Variants in ST8SIA3 observed in about 807,000 individuals in gnomAD.
ST8SIA3 encodes the protein alpha-N-acetylneuraminate alpha-2,8-sialyltransferase ST8SIA3.
Under a neutral mutation model 34.5 loss-of-function variants are expected in ST8SIA3, and 17 were observed. The ratio of observed to expected loss-of-function variants is 0.49; its 90% CI spans 0.34 to 0.74. ST8SIA3 has a LOEUF of 0.74. ST8SIA3 is among the 30% of genes least tolerant of loss of function. The probability of loss-of-function intolerance (pLI) is 0.01; values close to 1 mark genes in which losing one functional copy is unlikely to be tolerated. For missense variants in ST8SIA3, 354 were observed against 467.8 expected (o/e 0.76, Z 2.24); for synonymous variants, 172 against 176.1 (o/e 0.98, Z 0.19).
chr18:57,358,123 C>T (rs948015201), intron 3 of ST8SIA3, among the ~76,000 whole-genome samples: 2 of 152,204 alleles, frequency 1.3e-5, no homozygotes, highest in African/African-American at 2.4e-5. Context: ...ATTGTCTAGG[C>T]TCTGCCTCAA....
At chr18:57,354,565 T>C (rs761183995) in intron 2 of ST8SIA3, 41 bp downstream of exon 2, 2 of 1,609,290 alleles carry the variant, frequency 1.2e-6, no homozygotes, top group Non-Finnish European at 1.7e-6. Context: ...CTTTTAAGAA[T>C]TCAAGAGCTC....
At chr18:57,353,983 T>G (rs1436686641) in intron 1 of ST8SIA3, among the ~76,000 whole-genome samples, 2 of 152,212 alleles carry the variant, frequency 1.3e-5, no homozygotes, top group Non-Finnish European at 2.9e-5. Context: ...ACCCCCAGAC[T>G]TTCCCTGGGT....
rs1203615042 is a variant in ST8SIA3 at position 57,363,531 on chromosome 18, T to TTGCTGGCCATGC, written c.*3254_*3255insTGCTGGCCATGC. 4.6e-5 allele frequency: 7 copies of TTGCTGGCCATGC among 152,354 alleles called. No individual in the cohort carries two copies. Among genetic ancestry groups the TTGCTGGCCATGC allele is most frequent in the Non-Finnish European group, 1.0e-4 (7 of 68,136 alleles). The allele number at this position is 152,354 out of a possible 1,614,324, so 9.4% of individuals were successfully genotyped here. ...GATGTCAGGTACCTGGCCATGGGGC[T>TTGCTGGCCATGC]ACCAGCAAGGATGTGCAAAGGAAGA... On this transcript the variant is annotated 3_prime_UTR_variant, in exon 4 of 4. Transcript: ENST00000324000.
Position 57,361,991 on chromosome 18 carries a change from T to C in ST8SIA3, c.*1714T>C, listed in dbSNP as rs1268521706. The stretch of plus-strand genomic sequence containing the variant: ...GTTATGCTCACGTTCTGCCTGGTCC[T>C]AAACCTGCCTTATTATTATTTTCAG... On this transcript the variant is annotated 3_prime_UTR_variant, in exon 4 of 4. Coordinates refer to ENST00000324000, the MANE Select transcript of ST8SIA3 (RefSeq NM_015879.3). 6.6e-6 allele frequency: 1 copy of C among 152,226 alleles called. No homozygotes were observed. The highest frequency in any genetic ancestry group is 2.4e-5 in the African/African-American group (1 of 41,446). 9.4% of individuals were successfully genotyped at this position (152,226 alleles called of 1,614,324 possible).
intron 3 of ST8SIA3, among the ~76,000 whole-genome samples, chr18:57,357,905 T>C (rs1179122761): frequency 6.6e-6 from 1 of 152,248 alleles, no homozygotes; most frequent in Non-Finnish European, 1.5e-5. Context: ...ATGTCCAAGG[T>C]TAGCAAAACA....
rs147448926 is a variant in ST8SIA3, at chr18:57,365,218, C to T, written c.*4941C>T. The T allele has an allele frequency of 6.2e-4, 95 of 152,322 alleles. No individual in the cohort carries two copies. The highest frequency in any genetic ancestry group is 3.3e-3 in the East Asian group (17 of 5,180). The allele number at this position is 152,322 out of a possible 1,614,324, so 9.4% of individuals were successfully genotyped here. ...TTTGGAAACCAGTAATATATACATC[C>T]GGAGTCATATATACCATTTTGAACA... On this transcript the variant is annotated 3_prime_UTR_variant, in exon 4 of 4. Transcript: ENST00000324000.
At chr18:57,359,239 C>T (rs563239137) in intron 3 of ST8SIA3, among the ~76,000 whole-genome samples, 1 of 152,244 alleles carries the variant, frequency 6.6e-6, no homozygotes, top group East Asian at 1.9e-4. Context: ...GCGGTGTCAG[C>T]AGGAAGGCTT....
Position 57,368,885 on chromosome 18 carries a change from C to T in ST8SIA3, c.*8608C>T, listed in dbSNP as rs192409314. On this transcript the variant is annotated 3_prime_UTR_variant, in exon 4 of 4. Coordinates refer to ENST00000324000, the MANE Select transcript of ST8SIA3 (RefSeq NM_015879.3). ...ATTGCCTTGTGTTCCAAACACAGTA[C>T]TGAATGCGTTGTTTTTAAATAAACC... 2 of 152,378 alleles carry T rather than the reference C, an allele frequency of 1.3e-5. No homozygotes were observed. The highest frequency in any genetic ancestry group is 6.5e-5 in the Admixed American group (1 of 15,304). 9.4% of individuals were successfully genotyped at this position (152,378 alleles called of 1,614,324 possible).
rs1428685261 is a variant in ST8SIA3 at position 57,356,992 on chromosome 18, C to T, written c.382C>T (p.His128Tyr). ...KNSVRIGQLM[H>Y]YDYSSHKYVF... is the part of the protein sequence containing the mutation. The stretch of plus-strand genomic sequence containing the variant: ...TAGTGTTCGGATTGGACAACTGATG[C>T]ACTATGATTATTCCAGCCATAAATA... Residue 128 changes from histidine to tyrosine, a missense_variant, in exon 3 of 4, where the codon CAC (histidine) becomes TAC (tyrosine). Physicochemically the swap from His to Tyr is moderately conservative, Grantham distance 83 (BLOSUM62 2). Transcript: ENST00000324000. 6.2e-7 allele frequency: 1 copy of T among 1,613,912 alleles called. No homozygotes were observed. The highest frequency in any genetic ancestry group is 8.5e-7 in the Non-Finnish European group (1 of 1,179,854).
chr18:57,353,002 G>A lies in ST8SIA3; in HGVS notation c.156G>A (p.Met52Ile). The A allele has an allele frequency of 6.2e-7, 1 of 1,610,210 alleles. No homozygotes were observed. Among genetic ancestry groups the A allele is most frequent in the Non-Finnish European group, 8.5e-7 (1 of 1,179,936 alleles). Reference protein sequence around the residue: ...PKYASPGAPRMYMFHAGFRSQ... With the variant: ...PKYASPGAPRIYMFHAGFRSQ... ...ACGCCAGCCCGGGGGCGCCCCGAATGTACATGTTCCACGCGGGATTCCGGT... is the reference window on the plus strand; with the variant it reads ...ACGCCAGCCCGGGGGCGCCCCGAATATACATGTTCCACGCGGGATTCCGGT... The change falls in exon 1 of 4, where the codon ATG (methionine) becomes ATA (isoleucine). Residue 52 changes from methionine (M) to isoleucine (I), a missense_variant. Physicochemically the swap from Met to Ile is conservative, Grantham distance 10 (BLOSUM62 1). Coordinates refer to ENST00000324000, the MANE Select transcript of ST8SIA3 (RefSeq NM_015879.3).
Position 57,352,920 on chromosome 18 carries a change from T to C in ST8SIA3, c.74T>C (p.Leu25Ser). The stretch of plus-strand genomic sequence containing the variant: ...ATGCTCAGCGTCGCCCTGCTGATTT[T>C]ATCGCTCATCAGCTACGTGTCCCTG... Reference protein sequence around the residue: ...LVMLSVALLILSLISYVSLKK... With the variant: ...LVMLSVALLISSLISYVSLKK... The change falls in exon 1 of 4, where the codon TTA becomes TCA. Residue 25 changes from leucine to serine, a missense_variant. By Grantham distance (145) the Leu-to-Ser change is moderately radical (BLOSUM62 -2). This residue lies in a region of ST8SIA3 where 184 missense variants were observed against 205.4 expected (regional missense o/e 0.90). Transcript: ENST00000324000. 1 of 1,613,788 alleles carries C rather than the reference T, an allele frequency of 6.2e-7. No homozygotes were observed. The highest frequency in any genetic ancestry group is 8.5e-7 in the Non-Finnish European group (1 of 1,179,966).
intron 1 of ST8SIA3, among the ~76,000 whole-genome samples, chr18:57,353,702 T>C (rs1209529098): frequency 6.6e-6 from 1 of 152,060 alleles, no homozygotes; most frequent in African/African-American, 2.4e-5. Context: ...GGCCGGCCTG[T>C]GAAGGCTCCA....
rs544582436 is a variant in ST8SIA3 at position 57,366,383 on chromosome 18, T to C, written c.*6106T>C. The stretch of plus-strand genomic sequence containing the variant: ...GATTACCAACTGTGGCTTTTCTAAT[T>C]TCTAAGGGTGACCCTCCAGGAAAAC... On this transcript the variant is annotated 3_prime_UTR_variant, in exon 4 of 4. Coordinates refer to ENST00000324000, the MANE Select transcript of ST8SIA3 (RefSeq NM_015879.3). 3.3e-3 allele frequency: 497 copies of C among 151,574 alleles called. 2 individuals are homozygous for C. Among genetic ancestry groups the C allele is most frequent in the Non-Finnish European group, 5.7e-3 (391 of 68,028 alleles). 9.4% of individuals were successfully genotyped at this position (151,574 alleles called of 1,614,324 possible). A position where few individuals can be genotyped will look rare whatever the true frequency, so the allele number is the denominator to read the frequency against.
chr18:57,358,780 G>C (rs1483571760), intron 3 of ST8SIA3, among the ~76,000 whole-genome samples: 9 of 152,132 alleles, frequency 5.9e-5, no homozygotes, highest in Admixed American at 5.9e-4. Context: ...CCCTAAATGA[G>C]CAAGACTAGA....
intron 3 of ST8SIA3, among the ~76,000 whole-genome samples, chr18:57,358,841 T>C (rs1153628): frequency 0.22 from 32,746 of 152,090 alleles, 4,390 homozygotes; most frequent in African/African-American, 0.38. Context: ...TTGATCTCCT[T>C]ATTTTGCTCC....
rs1027093493 is a variant in ST8SIA3 at position 57,365,418 on chromosome 18, G to A, written c.*5141G>A. ...TGTAACTGATCAATTTAGTCAGAAT[G>A]GATGCAAGCCCAAAGACAAGGTGGA... On this transcript the variant is annotated 3_prime_UTR_variant, in exon 4 of 4. Coordinates refer to ENST00000324000, the MANE Select transcript of ST8SIA3 (RefSeq NM_015879.3). 2.0e-5 allele frequency: 3 copies of A among 152,186 alleles called. No individual in the cohort carries two copies. The highest frequency in any genetic ancestry group is 1.3e-4 in the Admixed American group (2 of 15,274). 9.4% of individuals were successfully genotyped at this position (152,186 alleles called of 1,614,324 possible).
chr18:57,366,242 C>T lies in ST8SIA3; in HGVS notation c.*5965C>T, dbSNP rs1429773948. The T allele has an allele frequency of 6.6e-6, 1 of 152,208 alleles. No homozygotes were observed. Among genetic ancestry groups the T allele is most frequent in the Non-Finnish European group, 1.5e-5 (1 of 68,042 alleles). The allele number at this position is 152,208 out of a possible 1,614,324, so 9.4% of individuals were successfully genotyped here. A position where few individuals can be genotyped will look rare whatever the true frequency, so the allele number is the denominator to read the frequency against. On this transcript the variant is annotated 3_prime_UTR_variant, in exon 4 of 4. Coordinates refer to ENST00000324000, the MANE Select transcript of ST8SIA3 (RefSeq NM_015879.3). ...TCCCCTCCACCAAGGGAAGCATTTC[C>T]ATGTTGGTTAGTTTTACTGATTTTT...
intron 2 of ST8SIA3, among the ~76,000 whole-genome samples, chr18:57,354,780 A>AT (rs754220822): frequency 1.3e-5 from 2 of 149,838 alleles, no homozygotes; most frequent in Non-Finnish European, 3.0e-5. Flanking sequence ...AAAAAAAAAA[A>AT]GCATTCCACT....
rs2049833014 is a variant in ST8SIA3, at chr18:57,361,870, A to T, written c.*1593A>T. On this transcript the variant is annotated 3_prime_UTR_variant, in exon 4 of 4. Coordinates refer to ENST00000324000, the MANE Select transcript of ST8SIA3 (RefSeq NM_015879.3). The stretch of plus-strand genomic sequence containing the variant: ...CAATGCGACAAATAACTGTTTAAAA[A>T]ATGTGCTGTAGTTCAGTGATGAGCT... The T allele has an allele frequency of 6.6e-6, 1 of 152,346 alleles. No homozygotes were observed. Among genetic ancestry groups the T allele is most frequent in the South Asian group, 2.1e-4 (1 of 4,834 alleles). The allele number at this position is 152,346 out of a possible 1,614,324, so 9.4% of individuals were successfully genotyped here. A position where few individuals can be genotyped will look rare whatever the true frequency, so the allele number is the denominator to read the frequency against.
Sources: allele counts gnomAD v4.1 joint callset (sites outside exome capture counted in the v4.1 genomes callset), GRCh38; gene constraint gnomAD v4.1.1; regional missense constraint gnomAD v4.1.1; transcripts MANE v1.5; gene names NCBI Gene and HGNC (gene_info 2026-07-23, HGNC 2026-07-21).